Variants in GPC5 observed in about 807,000 individuals in gnomAD.
GPC5 encodes the protein glypican-5.
A neutral mutation model predicts 53.9 loss-of-function variants in GPC5; 47 were observed. The ratio of observed to expected loss-of-function variants is 0.87; its 90% CI spans 0.69 to 1.11. The LOEUF (loss-of-function observed/expected upper bound fraction) is 1.11, where lower values mean the gene tolerates loss of function less well. Ranked by LOEUF, GPC5 falls within the 50% of genes most tolerant of loss-of-function variation. The probability of loss-of-function intolerance (pLI) is 0.00; values close to 1 mark genes in which losing one functional copy is unlikely to be tolerated. For missense variants in GPC5, 748 were observed against 713.1 expected (o/e 1.05, Z -0.56); for synonymous variants, 286 against 263.3 (o/e 1.09, Z -0.84).
intron 7 of GPC5, among the ~76,000 whole-genome samples, chr13:92,557,140 GC>G (rs1268110607): frequency 6.6e-6 from 1 of 151,420 alleles, no homozygotes; most frequent in African/African-American, 2.4e-5. Context: ...GAGGGATATA[GC>G]GCTATTCTAG....
intron 6 of GPC5, among the ~76,000 whole-genome samples, chr13:92,004,490 A>ACT (rs60785546): frequency 7.9e-6 from 1 of 126,258 alleles, no homozygotes; most frequent in South Asian, 2.3e-4. Flanking sequence ...ATATATATAT[A>ACT]ATTACACTAT....
intron 7 of GPC5, among the ~76,000 whole-genome samples, chr13:92,221,835 G>A (rs564113760): frequency 6.6e-6 from 1 of 151,902 alleles, no homozygotes; most frequent in Non-Finnish European, 1.5e-5. Flanking sequence ...TTACGTTCTT[G>A]CTAATAAGAT....
chr13:92,176,676 C>T (rs1174901307), intron 7 of GPC5, among the ~76,000 whole-genome samples: 2 of 152,170 alleles, frequency 1.3e-5, no homozygotes, highest in Non-Finnish European at 2.9e-5. Context: ...CCCCAGATTC[C>T]TAATCCCACC....
intron 7 of GPC5, among the ~76,000 whole-genome samples, chr13:92,171,383 A>C (rs943539063): frequency 2.0e-5 from 3 of 151,822 alleles, no homozygotes; most frequent in African/African-American, 7.3e-5. Context: ...ACACACACAC[A>C]CCCCTATATT....
chr13:91,562,475 T>C (rs191476327), intron 2 of GPC5, among the ~76,000 whole-genome samples: 72 of 152,170 alleles, frequency 4.7e-4, no homozygotes, highest in Admixed American at 4.2e-3. Flanking sequence ...TTTTTCTTTC[T>C]TTTTTTGAGA....
In GPC5 at chr13:91,726,590, G is replaced by A. The variant is rs377464570; in HGVS notation, c.1021-1942G>A. The stretch of plus-strand genomic sequence containing the variant: ...AAGCAAAATTTTGTCAATTGTCCAT[G>A]TCAGCCTCATGTTTTCTGGCACCTA... On this transcript the variant is annotated intron_variant, in intron 3 of 7. Coordinates refer to ENST00000377067, the MANE Select transcript of GPC5 (RefSeq NM_004466.6). 8.8e-4 allele frequency among the ~76,000 whole-genome samples: 134 copies of A among 152,206 alleles called. 3 individuals are homozygous for A. The South Asian group carries it at 0.025, about 28-fold the overall frequency.
intron 1 of GPC5, among the ~76,000 whole-genome samples, chr13:91,445,925 GCTCA>G (rs1206464556): frequency 6.6e-6 from 1 of 152,108 alleles, no homozygotes; most frequent in Non-Finnish European, 1.5e-5. Flanking sequence ...TGTCACTCCT[GCTCA>G]CTATTTTGGG....
At chr13:92,720,931 A>G (rs1025136352) in intron 7 of GPC5, among the ~76,000 whole-genome samples, 1 of 152,064 alleles carries the variant, frequency 6.6e-6, no homozygotes, top group Non-Finnish European at 1.5e-5. Context: ...ATACCTATCC[A>G]CAGAATGGGC....
chr13:92,497,827 G>A (rs1285738352), intron 7 of GPC5, among the ~76,000 whole-genome samples: 1 of 151,932 alleles, frequency 6.6e-6, no homozygotes, highest in Non-Finnish European at 1.5e-5. Flanking sequence ...TTAGCTGTAT[G>A]TTAGGTATTT....
intron 7 of GPC5, among the ~76,000 whole-genome samples, chr13:92,185,625 T>C (rs1194086539): frequency 1.3e-5 from 2 of 152,182 alleles, no homozygotes; most frequent in Non-Finnish European, 2.9e-5. Flanking sequence ...AATAATCTTA[T>C]GATTTGGTTT....
At chr13:92,393,610 T>C (rs560621380) in intron 7 of GPC5, among the ~76,000 whole-genome samples, 48 of 152,202 alleles carry the variant, frequency 3.2e-4, no homozygotes, top group African/African-American at 1.1e-3. Context: ...GATCGCACCA[T>C]TGCACTGCAG....
chr13:92,396,567 C>T (rs116568452), intron 7 of GPC5, among the ~76,000 whole-genome samples: 2 of 151,802 alleles, frequency 1.3e-5, no homozygotes, highest in Non-Finnish European at 2.9e-5. Flanking sequence ...ACATGCAGGG[C>T]GTGCAGCCTT....
chr13:91,557,306 A>G (rs1406291983), intron 2 of GPC5, among the ~76,000 whole-genome samples: 1 of 152,124 alleles, frequency 6.6e-6, no homozygotes, highest in African/African-American at 2.4e-5. Flanking sequence ...ATGGCTAATG[A>G]GGTTGAACAT....
intron 7 of GPC5, among the ~76,000 whole-genome samples, chr13:92,443,422 G>T (rs1877658891): frequency 6.6e-6 from 1 of 152,104 alleles, no homozygotes; most frequent in Non-Finnish European, 1.5e-5. Context: ...GGTGGTTTAG[G>T]ATAAAATGGA....
intron 7 of GPC5, among the ~76,000 whole-genome samples, chr13:92,707,884 T>C (rs1888005064): frequency 6.6e-6 from 1 of 152,124 alleles, no homozygotes; most frequent in African/African-American, 2.4e-5. Flanking sequence ...TTGAATTAGA[T>C]TTTTGGCAGA....
chr13:92,414,481 G>A (rs1876190893), intron 7 of GPC5, among the ~76,000 whole-genome samples: 2 of 150,440 alleles, frequency 1.3e-5, no homozygotes, highest in South Asian at 2.1e-4. Flanking sequence ...CTCCAGCCTG[G>A]GCGATAGAGC....
intron 7 of GPC5, among the ~76,000 whole-genome samples, chr13:92,304,842 A>G (rs141928608): frequency 7.3e-4 from 111 of 152,318 alleles, no homozygotes; most frequent in African/African-American, 2.5e-3. Flanking sequence ...ATGTTGAAAT[A>G]AAATTGATTC....
chr13:92,648,363 G>C (rs1339859182), intron 7 of GPC5, among the ~76,000 whole-genome samples: 2 of 151,950 alleles, frequency 1.3e-5, no homozygotes, highest in Non-Finnish European at 2.9e-5. Flanking sequence ...ACATGCTTCA[G>C]TTTAGCACCA....
chr13:92,097,315 G>C (rs1480049014), intron 6 of GPC5, among the ~76,000 whole-genome samples: 1 of 152,148 alleles, frequency 6.6e-6, no homozygotes, highest in African/African-American at 2.4e-5. Context: ...GGAAAAAAGA[G>C]GTAAACTGAG....
Sources: allele counts gnomAD v4.1 joint callset (sites outside exome capture counted in the v4.1 genomes callset), GRCh38; gene constraint gnomAD v4.1.1; transcripts MANE v1.5; gene names NCBI Gene and HGNC (gene_info 2026-07-23, HGNC 2026-07-21).